VANGL1: variants seen among roughly 807,000 people sequenced by gnomAD.
VANGL1 encodes the protein VANGL planar cell polarity protein 1.
A neutral mutation model predicts 48.4 loss-of-function variants in VANGL1; 18 were observed. The observed-to-expected ratio is 0.37, with a 90% CI of 0.26 to 0.55. The LOEUF is 0.55. Ranked by LOEUF, VANGL1 falls within the 20% of genes least tolerant of loss-of-function variation. The pLI, the probability that VANGL1 is intolerant of heterozygous loss-of-function variation, is 0.81. For synonymous variants in VANGL1, 257 were observed against 261.8 expected (o/e 0.98, Z 0.18); for missense variants, 667 against 675.8 (o/e 0.99, Z 0.14).
chr1:115,676,181 G>A (rs961716759), intron 4 of VANGL1, among the ~76,000 whole-genome samples: 1 of 152,174 alleles, frequency 6.6e-6, no homozygotes, highest in African/African-American at 2.4e-5. Flanking sequence ...CAAGAAGGGG[G>A]AAATGACTTA....
rs145137292 is a variant in VANGL1, at chr1:115,685,512, C to T, written c.1299C>T (p.Asn433=). Residue 433 remains asparagine (N), a synonymous_variant, in exon 7 of 8, where the codon AAC becomes AAT. Transcript: ENST00000355485. ...ILQHLAFCIT[N]GMTPKAFLER... ...AGCACCTGGCCTTCTGCATCACCAACGGCATGACCCCCAAGGTGCGCTGCT... is the reference window on the plus strand; with the variant it reads ...AGCACCTGGCCTTCTGCATCACCAATGGCATGACCCCCAAGGTGCGCTGCT... 79 of 1,613,968 alleles carry T rather than the reference C, an allele frequency of 4.9e-5. No individual in the cohort carries two copies. The highest frequency in any genetic ancestry group is 8.9e-5 in the East Asian group (4 of 44,886).
At chr1:115,657,772 G>A (rs546689856) in intron 2 of VANGL1, among the ~76,000 whole-genome samples, 13 of 152,264 alleles carry the variant, frequency 8.5e-5, no homozygotes, top group Middle Eastern at 3.4e-3. Context: ...ACTGGCTCAC[G>A]GTCCTGCAGG....
chr1:115,679,777 G>T (rs1570766637), intron 4 of VANGL1, among the ~76,000 whole-genome samples: 1 of 152,182 alleles, frequency 6.6e-6, no homozygotes, highest in East Asian at 1.9e-4. Context: ...TTTAAATTTA[G>T]ATCAGGGTAA....
chr1:115,667,712 C>A (rs182381139), intron 4 of VANGL1, among the ~76,000 whole-genome samples: 1 of 152,324 alleles, frequency 6.6e-6, no homozygotes, highest in Non-Finnish European at 1.5e-5. Flanking sequence ...CTTTTCTTGG[C>A]CCCGTTCTCA....
chr1:115,674,260 C>T (rs1330623008), intron 4 of VANGL1, among the ~76,000 whole-genome samples: 1 of 152,046 alleles, frequency 6.6e-6, no homozygotes, highest in East Asian at 1.9e-4. Flanking sequence ...CACCGTCCCT[C>T]TTCTCCTGGT....
Position 115,651,356 on chromosome 1 carries a change from TC to T in VANGL1, c.-57del. 6.5e-7 allele frequency: 1 copy of T among 1,542,976 alleles called. No individual in the cohort carries two copies. On this transcript the variant is annotated 5_prime_UTR_variant, in exon 2 of 8. Coordinates refer to ENST00000355485, the MANE Select transcript of VANGL1 (RefSeq NM_138959.3). ...TTTAGGAGTCTGGTAGGTGAAATTT[TC>T]TACCTCTAAGGAGAAACAGTACCTG...
intron 2 of VANGL1, 57 bp downstream of exon 2, chr1:115,651,541 G>T: frequency 1.3e-6 from 2 of 1,513,496 alleles, no homozygotes. Flanking sequence ...CAGGTTGGTG[G>T]GGTTCTCTAC....
chr1:115,661,495 C>T (rs1652546851), intron 3 of VANGL1, among the ~76,000 whole-genome samples: 1 of 103,142 alleles, frequency 9.7e-6, no homozygotes, highest in Admixed American at 1.5e-4. Context: ...GAGATTTATC[C>T]ATGTTTTGGT....
intron 4 of VANGL1, among the ~76,000 whole-genome samples, chr1:115,680,731 A>C (rs1653353690): frequency 6.6e-6 from 1 of 151,084 alleles, no homozygotes; most frequent in Admixed American, 6.6e-5. Flanking sequence ...AGGGGAGCCA[A>C]ATGGGTGGGT....
chr1:115,647,061 A>G (rs1557760510), intron 1 of VANGL1, among the ~76,000 whole-genome samples: 1 of 152,162 alleles, frequency 6.6e-6, no homozygotes, highest in African/African-American at 2.4e-5. Context: ...ATACCAAATG[A>G]AAGATTTTTG....
Position 115,691,494 on chromosome 1 carries a change from G to T in VANGL1, c.*115G>T. ...TCTTCTTCATTGCTGACTGAAACTG[G>T]CAGATGATTGACCAGTATCCTTTGA... is the stretch of plus-strand genomic sequence containing the variant. On this transcript the variant is annotated 3_prime_UTR_variant, in exon 8 of 8. Coordinates refer to ENST00000355485, the MANE Select transcript of VANGL1 (RefSeq NM_138959.3). The T allele has an allele frequency of 8.5e-7, 1 of 1,175,976 alleles. No individual in the cohort carries two copies. Among genetic ancestry groups the T allele is most frequent in the Non-Finnish European group, 1.2e-6 (1 of 856,072 alleles). 72.8% of individuals were successfully genotyped at this position (1,175,976 alleles called of 1,614,324 possible).
In VANGL1 at chr1:115,669,985, T is replaced by G. The variant is rs113087135; in HGVS notation, c.812+5717T>G. Among the ~76,000 whole-genome samples, 614 of 152,300 alleles carry G rather than the reference T, an allele frequency of 4.0e-3. 4 individuals are homozygous for G. The highest frequency in any genetic ancestry group is 0.014 in the African/African-American group (592 of 41,556). ...CATATGTGGAAGCCCTAACCTCCAG[T>G]GTGGCATATTTGGAGATGGAGCCCC... is the stretch of plus-strand genomic sequence containing the variant. On this transcript the variant is annotated intron_variant, in intron 4 of 7. Transcript: ENST00000355485.
At chr1:115,682,224 G>A (rs1653420632) in intron 4 of VANGL1, 140 bp from the exon 5 acceptor site, 3 of 1,210,140 alleles carry the variant, frequency 2.5e-6, no homozygotes, top group African/African-American at 1.5e-5. Flanking sequence ...GACCAGAAGT[G>A]TGGTGGAACC....
At chr1:115,675,583 T>A (rs1653130938) in intron 4 of VANGL1, among the ~76,000 whole-genome samples, 1 of 152,080 alleles carries the variant, frequency 6.6e-6, no homozygotes, top group African/African-American at 2.4e-5. Flanking sequence ...GTGGATCATC[T>A]GAGGTCAGGA....
chr1:115,654,213 T>C (rs1652258656), intron 2 of VANGL1, among the ~76,000 whole-genome samples: 1 of 151,972 alleles, frequency 6.6e-6, no homozygotes, highest in Admixed American at 6.5e-5. Context: ...TCTTTGGTAA[T>C]TTTAGTCAGA....
At chr1:115,679,107 T>C (rs1653277944) in intron 4 of VANGL1, among the ~76,000 whole-genome samples, 1 of 152,152 alleles carries the variant, frequency 6.6e-6, no homozygotes, top group South Asian at 2.1e-4. Context: ...AAACAGACCA[T>C]CCTCTGTAGG....
intron 7 of VANGL1, among the ~76,000 whole-genome samples, chr1:115,690,887 G>A (rs1210051959): frequency 3.3e-5 from 5 of 152,284 alleles, no homozygotes; most frequent in Admixed American, 2.0e-4. Flanking sequence ...CTATTCTTGC[G>A]CTTGGTGGAT....
chr1:115,674,287 G>T (rs576644715), intron 4 of VANGL1, among the ~76,000 whole-genome samples: 1 of 152,130 alleles, frequency 6.6e-6, no homozygotes, highest in African/African-American at 2.4e-5. Flanking sequence ...GTTCTGTCAC[G>T]GTCTCTGGAT....
At chr1:115,661,975 A>G (rs1324639586) in intron 3 of VANGL1, among the ~76,000 whole-genome samples, 1 of 152,170 alleles carries the variant, frequency 6.6e-6, no homozygotes, top group African/African-American at 2.4e-5. Context: ...GCTGGGCCAT[A>G]TAGCTAAGTG....
Sources: gnomAD v4.1 joint callset for allele counts (sites outside exome capture counted in the v4.1 genomes callset) on GRCh38, gnomAD v4.1.1 for gene constraint, MANE v1.5 for transcripts, NCBI Gene and HGNC (gene_info 2026-07-23, HGNC 2026-07-21) for gene names.